Variants in ERAP1 observed in about 807,000 individuals in gnomAD.
The protein encoded by ERAP1 is endoplasmic reticulum aminopeptidase 1.
A neutral mutation model predicts 103.7 loss-of-function variants in ERAP1; 86 were observed. That is an observed-to-expected ratio of 0.83 (90% confidence interval 0.70 to 0.99). The LOEUF (loss-of-function observed/expected upper bound fraction) is 0.99. ERAP1 is among the 50% of genes least tolerant of loss of function. The pLI is 0.00. For synonymous variants in ERAP1, 398 were observed against 402.4 expected (o/e 0.99, Z 0.13); for missense variants, 1,009 against 1,128.4 (o/e 0.89, Z 1.52).
At chr5:96,796,066 T>C (rs1777314048) in intron 4 of ERAP1, among the ~76,000 whole-genome samples, 1 of 152,244 alleles carries the variant, frequency 6.6e-6, no homozygotes, top group South Asian at 2.1e-4. Flanking sequence ...GTTTCACTGC[T>C]GAATTAAGAA....
chr5:96,904,494 G>T, the ERAP1 span, among the ~76,000 whole-genome samples: 3 of 152,162 alleles, frequency 2.0e-5, no homozygotes, highest in African/African-American at 7.2e-5. Flanking sequence ...AAAGAAAAGA[G>T]GAAGTGAGGC....
the ERAP1 span, chr5:96,910,308 T>C: frequency 1.3e-5 from 2 of 151,920 alleles, no homozygotes; most frequent in Non-Finnish European, 2.9e-5. Context: ...TATTATAAGA[T>C]GGTATCATAA....
At chr5:96,817,770 C>A in the ERAP1 span, among the ~76,000 whole-genome samples, 1 of 152,218 alleles carries the variant, frequency 6.6e-6, no homozygotes, top group Non-Finnish European at 1.5e-5. Flanking sequence ...CACAATCTTT[C>A]CCCACAAAAT....
intron 13 of ERAP1, 107 bp downstream of exon 13, chr5:96,785,681 T>C: frequency 7.8e-7 from 1 of 1,287,730 alleles, no homozygotes; most frequent in South Asian, 1.3e-5. Flanking sequence ...GAAAACACCT[T>C]TCAACTTCTT....
chr5:96,859,412 T>C, the ERAP1 span, among the ~76,000 whole-genome samples: 1 of 152,104 alleles, frequency 6.6e-6, no homozygotes, highest in Non-Finnish European at 1.5e-5. Flanking sequence ...CCCAGAGCAT[T>C]GCCTCAGGCT....
intron 19 of ERAP1, chr5:96,766,119 A>C: frequency 6.2e-7 from 1 of 1,608,300 alleles, no homozygotes; most frequent in Non-Finnish European, 8.5e-7. Flanking sequence ...ACCTGAATAC[A>C]GACATCTCCT....
exon 20 of ERAP1, chr5:96,762,399 TA>T: frequency 6.6e-7 from 1 of 1,508,418 alleles, no homozygotes; most frequent in Non-Finnish European, 8.9e-7. Context: ...ATTTGGGAGA[TA>T]AATGTTTTTG....
the ERAP1 span, chr5:96,881,593 C>A: frequency 2.3e-6 from 1 of 428,264 alleles, no homozygotes; most frequent in Non-Finnish European, 4.7e-6. Flanking sequence ...TTTTCTCATG[C>A]AACAAGAAGT....
intron 1 of ERAP1, chr5:96,804,504 C>T (rs1385232087): frequency 6.1e-6 from 1 of 163,172 alleles, no homozygotes; most frequent in East Asian, 1.7e-4. Context: ...TAATGGTAAC[C>T]TTTAATAACA....
the ERAP1 span, among the ~76,000 whole-genome samples, chr5:96,817,537 A>G: frequency 1.3e-5 from 2 of 152,238 alleles, no homozygotes. Context: ...TCACTAAGCT[A>G]TTTAATCAGA....
intron 17 of ERAP1, 131 bp from the exon 18 acceptor site, chr5:96,780,635 A>G: frequency 1.3e-6 from 1 of 743,638 alleles, no homozygotes; most frequent in East Asian, 2.7e-5. Context: ...TATGATGTCT[A>G]TCCAATGGGT....
the ERAP1 span, among the ~76,000 whole-genome samples, chr5:96,815,524 G>C: frequency 6.7e-6 from 1 of 149,610 alleles, no homozygotes; most frequent in East Asian, 2.0e-4. Context: ...CGATTCTCCT[G>C]CCTCAGCCTC....
chr5:96,928,809 G>A, the ERAP1 span, among the ~76,000 whole-genome samples: 5 of 152,154 alleles, frequency 3.3e-5, no homozygotes, highest in East Asian at 3.9e-4. Flanking sequence ...TGCAGCCAGC[G>A]TCAGGGAAAG....
the ERAP1 span, among the ~76,000 whole-genome samples, chr5:96,848,398 G>A: frequency 0.048 from 7,276 of 152,044 alleles, 214 homozygotes; most frequent in South Asian, 0.11. Flanking sequence ...ACTCTTAGCT[G>A]GACTTAAGAA....
At chr5:96,786,431 T>A in intron 12 of ERAP1, 39 bp downstream of exon 12, 1 of 1,335,492 alleles carries the variant, frequency 7.5e-7, no homozygotes, top group South Asian at 1.2e-5. Flanking sequence ...ATTTTCACAT[T>A]CCTCCTTGAA....
At chr5:96,860,588 C>T in the ERAP1 span, among the ~76,000 whole-genome samples, 2 of 152,074 alleles carry the variant, frequency 1.3e-5, no homozygotes, top group Admixed American at 1.3e-4. Context: ...ATGAAAAAGA[C>T]ATGGGCCCCA....
chr5:96,807,338 G>C (rs1315424987), intron 1 of ERAP1, among the ~76,000 whole-genome samples: 1 of 152,152 alleles, frequency 6.6e-6, no homozygotes, highest in Non-Finnish European at 1.5e-5. Flanking sequence ...CACCCCACCA[G>C]AGTCTTTAAC....
intron 18 of ERAP1, 126 bp downstream of exon 18, chr5:96,780,297 A>G: frequency 2.9e-6 from 2 of 693,430 alleles, no homozygotes; most frequent in South Asian, 4.4e-5. Flanking sequence ...ATAGCATCCA[A>G]AAATAACTTC....
Position 96,803,578 on chromosome 5 carries a change from C to T in ERAP1, c.349G>A (p.Glu117Lys), listed in dbSNP as rs746382079. The T allele has an allele frequency of 3.7e-6, 6 of 1,614,068 alleles. No individual in the cohort carries two copies. In the East Asian group the frequency reaches 6.7e-5, roughly 18 times the overall value. Residue 117 changes from glutamate (E) to lysine (K), a missense_variant, in exon 2 of 19, where the codon GAA (glutamate) becomes AAA (lysine). Glu to Lys is a moderately conservative substitution (Grantham distance 56). Transcript: ENST00000443439. The stretch of plus-strand genomic sequence containing the variant: ...TGTTCCAGGACCTGCAGGGGTTCTT[C>T]CGATAGCCTCTCTCCAGCTCCCTTC... ...LRKGAGERLS[E>K]EPLQVLEHPR...
Sources: gnomAD v4.1 joint callset for allele counts (sites outside exome capture counted in the v4.1 genomes callset) on GRCh38, gnomAD v4.1.1 for gene constraint, MANE v1.5 for transcripts, NCBI Gene and HGNC (gene_info 2026-07-23, HGNC 2026-07-21) for gene names.